DISC1: variants seen among roughly 807,000 people sequenced by gnomAD.
DISC1 encodes disrupted in schizophrenia 1 protein.
Under a neutral mutation model 84.5 loss-of-function variants are expected in DISC1, and 57 were observed. The ratio of observed to expected loss-of-function variants is 0.67; its 90% CI spans 0.55 to 0.84. The LOEUF (loss-of-function observed/expected upper bound fraction) is 0.84. Ranked by LOEUF, DISC1 falls within the 40% of genes least tolerant of loss-of-function variation. The probability of loss-of-function intolerance (pLI) is 0.00; values close to 1 mark genes in which losing one functional copy is unlikely to be tolerated. For missense variants in DISC1, 1,000 were observed against 1,057.8 expected (o/e 0.95, Z 0.76); for synonymous variants, 411 against 415.2 (o/e 0.99, Z 0.12).
chr1:232,003,698 A>G (rs1468104772), intron 10 of DISC1, among the ~76,000 whole-genome samples: 1 of 152,130 alleles, frequency 6.6e-6, no homozygotes, highest in Non-Finnish European at 1.5e-5. Context: ...TGATAGGAGA[A>G]CCCTCAGATA....
chr1:231,627,405 A>G (rs1198828283), intron 1 of DISC1, among the ~76,000 whole-genome samples: 6 of 152,078 alleles, frequency 3.9e-5, no homozygotes, highest in Non-Finnish European at 8.8e-5. Flanking sequence ...CTCGGGTTCC[A>G]CCCCTTCGGG....
At chr1:231,880,558 A>C (rs1474358051) in intron 9 of DISC1, among the ~76,000 whole-genome samples, 1 of 152,208 alleles carries the variant, frequency 6.6e-6, no homozygotes, top group African/African-American at 2.4e-5. Flanking sequence ...AGAGATGATA[A>C]CACTGTTATA....
chr1:231,687,312 G>A (rs140665530), intron 1 of DISC1, among the ~76,000 whole-genome samples: 3,137 of 152,334 alleles, frequency 0.021, 40 homozygotes, highest in Middle Eastern at 0.037. Context: ...TGGACTTACA[G>A]TTCCACATGG....
intron 10 of DISC1, among the ~76,000 whole-genome samples, chr1:231,976,631 G>C (rs533652084): frequency 1.8e-4 from 28 of 152,318 alleles, no homozygotes; most frequent in Admixed American, 1.1e-3. Flanking sequence ...TCCTGGGATA[G>C]AGCTTTTATA....
chr1:231,845,821 G>T (rs974621346), intron 9 of DISC1, among the ~76,000 whole-genome samples: 2 of 152,130 alleles, frequency 1.3e-5, no homozygotes, highest in African/African-American at 4.8e-5. Flanking sequence ...AAAAGTAGTG[G>T]CAAGGTGGCT....
rs1244067228 is a variant in DISC1, at chr1:232,038,064, C to A, written c.*1233C>A. 6.6e-6 allele frequency: 1 copy of A among 151,450 alleles called. No homozygotes were observed. The highest frequency in any genetic ancestry group is 1.5e-5 in the Non-Finnish European group (1 of 68,090). The allele number at this position is 151,450 out of a possible 1,614,324, so 9.4% of individuals were successfully genotyped here. ...CAGTATGGTACTCAGTAAAGCAATG[C>A]AATGCTCAGTAACACAGTGCAGTGC... On this transcript the variant is annotated 3_prime_UTR_variant, in exon 13 of 13. Coordinates refer to ENST00000439617, the MANE Select transcript of DISC1 (RefSeq NM_018662.3).
chr1:231,800,133 G>T lies in DISC1; in HGVS notation c.1715G>T (p.Ser572Ile), dbSNP rs1230277437. The change falls in exon 8 of 13, where the codon AGC (serine) becomes ATC (isoleucine). Residue 572 changes from serine to isoleucine, a missense_variant. By Grantham distance (142) the Ser-to-Ile change is moderately radical. This residue lies in a region of DISC1 where 397 missense variants were observed against 377.5 expected (regional missense o/e 1.05). Transcript: ENST00000439617. Reference protein sequence around the residue: ...TKVCMSEKFCSTLRKKVNDIE... With the variant: ...TKVCMSEKFCITLRKKVNDIE... Reference sequence around the variant, plus strand: ...GTGTGTATGAGTGAGAAATTCTGCAGCACCCTGAGGAAGAAAGTTAACGAT... The same window carrying T: ...GTGTGTATGAGTGAGAAATTCTGCATCACCCTGAGGAAGAAAGTTAACGAT... 2 of 1,611,396 alleles carry T rather than the reference G, an allele frequency of 1.2e-6. No homozygotes were observed. The highest frequency in any genetic ancestry group is 8.5e-7 in the Non-Finnish European group (1 of 1,179,570).
chr1:231,738,310 T>C (rs1413875506), intron 3 of DISC1, among the ~76,000 whole-genome samples: 1 of 152,216 alleles, frequency 6.6e-6, no homozygotes, highest in Non-Finnish European at 1.5e-5. Context: ...TGCTCCTTTC[T>C]CCTTTCTGAC....
chr1:231,784,475 G>A (rs17817356), intron 6 of DISC1, among the ~76,000 whole-genome samples: 45,605 of 151,978 alleles, frequency 0.3, 8,324 homozygotes, highest in Non-Finnish European at 0.41. Flanking sequence ...GTATTTCCCT[G>A]GCCTAGTTTT....
In DISC1 at chr1:231,782,741, C is replaced by T. The variant is rs556345379; in HGVS notation, c.1634+11671C>T. On this transcript the variant is annotated intron_variant, in intron 6 of 12. Coordinates refer to ENST00000439617, the MANE Select transcript of DISC1 (RefSeq NM_018662.3). ...TCACTTGAGGTCAGGCGTTTCAGAGCAACCTGGCCAACATGGCAAAACCCC... is the reference window on the plus strand; with the variant it reads ...TCACTTGAGGTCAGGCGTTTCAGAGTAACCTGGCCAACATGGCAAAACCCC... Among the ~76,000 whole-genome samples the T allele has an allele frequency of 7.2e-5, 11 of 151,978 alleles. No individual in the cohort carries two copies. The South Asian group carries it at 1.7e-3, about 23-fold the overall frequency.
intron 3 of DISC1, 157 bp downstream of exon 3, chr1:231,702,181 T>C: frequency 7.2e-7 from 1 of 1,393,630 alleles, no homozygotes; most frequent in South Asian, 1.6e-5. Flanking sequence ...AGCATTATTG[T>C]TTTGTAGATT....
At chr1:231,924,300 C>G (rs200396348) in intron 9 of DISC1, among the ~76,000 whole-genome samples, 223 of 152,280 alleles carry the variant, frequency 1.5e-3, no homozygotes, top group Non-Finnish European at 2.0e-3. Flanking sequence ...TGGCCGAGCA[C>G]GAACAGCTGT....
At chr1:231,729,986 A>G (rs2071297380) in intron 3 of DISC1, among the ~76,000 whole-genome samples, 1 of 152,136 alleles carries the variant, frequency 6.6e-6, no homozygotes, top group South Asian at 2.1e-4. Flanking sequence ...GAGCTGCAAA[A>G]TATTCTATAA....
At chr1:231,820,148 A>G (rs78084480) in intron 9 of DISC1, among the ~76,000 whole-genome samples, 1,737 of 152,210 alleles carry the variant, frequency 0.011, 34 homozygotes, top group African/African-American at 0.04. Context: ...TTCCCTATAC[A>G]TTGATTTACA....
intron 1 of DISC1, among the ~76,000 whole-genome samples, chr1:231,640,893 C>CTT: frequency 6.6e-6 from 1 of 152,224 alleles, no homozygotes; most frequent in East Asian, 1.9e-4. Context: ...GACTTACACT[C>CTT]TTTGGAGTGC....
chr1:232,026,526 T>G lies in DISC1; in HGVS notation c.2399T>G (p.Ile800Ser). 1.2e-6 allele frequency: 2 copies of G among 1,605,720 alleles called. No individual in the cohort carries two copies. The highest frequency in any genetic ancestry group is 1.7e-6 in the Non-Finnish European group (2 of 1,175,738). ...TTGGAAGATCAACTTCACACAGCAA[T>G]CCACAGTCATGATGAAGATCTCATT... ...LYLEDQLHTA[I>S]HSHDEDLIQS... Residue 800 changes from isoleucine to serine, a missense_variant, in exon 12 of 13, where the codon ATC (isoleucine) becomes AGC (serine). Physicochemically the swap from Ile to Ser is moderately radical, Grantham distance 142 (BLOSUM62 -2). Coordinates refer to ENST00000439617, the MANE Select transcript of DISC1 (RefSeq NM_018662.3).
chr1:231,853,877 T>C (rs564589782), intron 9 of DISC1, among the ~76,000 whole-genome samples: 1 of 152,336 alleles, frequency 6.6e-6, no homozygotes, highest in Admixed American at 6.5e-5. Context: ...GAACTTAAGT[T>C]TGGGGAGTCC....
At chr1:231,882,660 T>C (rs2086378834) in intron 9 of DISC1, among the ~76,000 whole-genome samples, 1 of 152,182 alleles carries the variant, frequency 6.6e-6, no homozygotes, top group Non-Finnish European at 1.5e-5. Flanking sequence ...ATGAAAAGGC[T>C]TTCAAGTTTT....
chr1:231,837,105 G>C (rs1369522158), intron 9 of DISC1, among the ~76,000 whole-genome samples: 1 of 152,094 alleles, frequency 6.6e-6, no homozygotes, highest in African/African-American at 2.4e-5. Context: ...ATAAAATTTA[G>C]AGTACATTTT....
Sources: allele counts gnomAD v4.1 joint callset (sites outside exome capture counted in the v4.1 genomes callset), GRCh38; gene constraint gnomAD v4.1.1; regional missense constraint gnomAD v4.1.1; transcripts MANE v1.5; gene names NCBI Gene and HGNC (gene_info 2026-07-23, HGNC 2026-07-21).